Variants in LPGAT1 observed in about 807,000 individuals in gnomAD.
The protein encoded by LPGAT1 is lysophosphatidylglycerol acyltransferase 1.
Under a neutral mutation model 47.5 loss-of-function variants are expected in LPGAT1, and 11 were observed. That is an observed-to-expected ratio of 0.23 (90% CI 0.15 to 0.38). The LOEUF is 0.38. LPGAT1 is among the 10% of genes least tolerant of loss of function. The pLI is 1.00. For synonymous variants in LPGAT1, 138 were observed against 144.2 expected, an observed-to-expected ratio of 0.96 and a Z score of 0.31; for missense variants, 293 against 439.0, an observed-to-expected ratio of 0.67 and a Z score of 2.97.
chr1:211,780,634 T>A (rs1658603585), intron 5 of LPGAT1, among the ~76,000 whole-genome samples: 1 of 152,184 alleles, frequency 6.6e-6, no homozygotes, highest in Non-Finnish European at 1.5e-5. Context: ...AATATACTTG[T>A]AAAACAAGTA....
intron 5 of LPGAT1, among the ~76,000 whole-genome samples, chr1:211,779,723 A>T (rs2102532677): frequency 6.6e-6 from 1 of 152,200 alleles, no homozygotes; most frequent in East Asian, 1.9e-4. Flanking sequence ...ATGGTGGTGC[A>T]TGCCTGTAGT....
intron 6 of LPGAT1, among the ~76,000 whole-genome samples, chr1:211,760,332 G>C: frequency 6.6e-6 from 1 of 152,180 alleles, no homozygotes; most frequent in East Asian, 1.9e-4. Flanking sequence ...GCACATGCCT[G>C]TAGTCCCAGC....
Position 211,783,236 on chromosome 1 carries a change from T to C in LPGAT1, c.720A>G (p.Lys240=). ...TGCTAAAAACCATCATACCTAATTC[T>C]TTAGCATCTCCTCCTGCTGGACTTC... ...KNGSPAGGDA[K]ELDSKSKGLQ... Residue 240 remains lysine (K), a synonymous_variant, in exon 5 of 8, where the codon AAA becomes AAG. Coordinates refer to ENST00000366997, the MANE Select transcript of LPGAT1 (RefSeq NM_014873.3). The C allele has an allele frequency of 6.2e-7, 1 of 1,610,050 alleles. No individual in the cohort carries two copies. The highest frequency in any genetic ancestry group is 8.5e-7 in the Non-Finnish European group (1 of 1,176,824).
At chr1:211,829,756 G>C (rs1660660511) in intron 1 of LPGAT1, 1 of 999,214 alleles carries the variant, frequency 1.0e-6, no homozygotes, top group East Asian at 1.0e-4. Flanking sequence ...GAGGACCTCA[G>C]TCTCCTCACC....
At chr1:211,802,739 G>C (rs12127709) in intron 2 of LPGAT1, among the ~76,000 whole-genome samples, 10,420 of 152,190 alleles carry the variant, frequency 0.068, 419 homozygotes, top group Non-Finnish European at 0.087. Flanking sequence ...CAAAGATGTA[G>C]TTAAAGAGCA....
At chr1:211,756,255 C>CA (rs929997148) in intron 6 of LPGAT1, among the ~76,000 whole-genome samples, 1 of 151,862 alleles carries the variant, frequency 6.6e-6, no homozygotes, top group African/African-American at 2.4e-5. Flanking sequence ...CAAACCAAAA[C>CA]AAAAAAAATC....
chr1:211,805,301 G>A lies in LPGAT1; in HGVS notation c.239-12111C>T, dbSNP rs376455935. Reference sequence around the variant, plus strand: ...TCATGGGGTTCCTGATAAACCCATCGTAAGTTGAAAATACAGCAAGTCAAA... The same window carrying A: ...TCATGGGGTTCCTGATAAACCCATCATAAGTTGAAAATACAGCAAGTCAAA... On this transcript the variant is annotated intron_variant, in intron 2 of 7. Transcript: ENST00000366997. 3.6e-4 allele frequency among the ~76,000 whole-genome samples: 55 copies of A among 152,220 alleles called. 1 individual carries two copies. In the South Asian group the frequency reaches 9.1e-3, roughly 25 times the overall value.
intron 6 of LPGAT1, among the ~76,000 whole-genome samples, chr1:211,754,440 A>G (rs1215206137): frequency 3.3e-5 from 5 of 152,088 alleles, no homozygotes; most frequent in Non-Finnish European, 7.4e-5. Flanking sequence ...ATTGTCTTTC[A>G]GGCTGTTTTC....
chr1:211,810,448 T>C (rs1314175709), intron 2 of LPGAT1, among the ~76,000 whole-genome samples: 2 of 152,182 alleles, frequency 1.3e-5, no homozygotes, highest in African/African-American at 4.8e-5. Context: ...GGAGTACAGA[T>C]AGACTGGAAT....
intron 6 of LPGAT1, among the ~76,000 whole-genome samples, chr1:211,766,629 C>A (rs1657928413): frequency 6.6e-6 from 1 of 152,182 alleles, no homozygotes; most frequent in Admixed American, 6.5e-5. Flanking sequence ...CCAAAAAGTA[C>A]TGGCAACACA....
chr1:211,756,216 A>G (rs1189920233), intron 6 of LPGAT1, among the ~76,000 whole-genome samples: 2 of 152,230 alleles, frequency 1.3e-5, no homozygotes, highest in Non-Finnish European at 2.9e-5. Context: ...AGCCTGGGCA[A>G]CAGAGGGAGA....
intron 6 of LPGAT1, among the ~76,000 whole-genome samples, chr1:211,773,940 T>C (rs1448564083): frequency 6.6e-6 from 1 of 152,130 alleles, no homozygotes; most frequent in Non-Finnish European, 1.5e-5. Flanking sequence ...TTTACCTAGT[T>C]AAACAATAAA....
chr1:211,765,353 G>A (rs1342312050), intron 6 of LPGAT1, among the ~76,000 whole-genome samples: 2 of 151,994 alleles, frequency 1.3e-5, no homozygotes, highest in African/African-American at 4.8e-5. Flanking sequence ...TTGAGAATAA[G>A]TTAAATGAAA....
In LPGAT1 at chr1:211,745,469, C is replaced by A. The variant is rs928060880; in HGVS notation, c.*4430G>T. On this transcript the variant is annotated 3_prime_UTR_variant, in exon 8 of 8. Transcript: ENST00000366997. ...CACAGTCATGTGTTCAACAGTTTTACACAATAAAAATAAAGCCATTCAAGA... is the reference window on the plus strand; with the variant it reads ...CACAGTCATGTGTTCAACAGTTTTAAACAATAAAAATAAAGCCATTCAAGA... 6.6e-6 allele frequency: 1 copy of A among 152,092 alleles called. No individual in the cohort carries two copies. The highest frequency in any genetic ancestry group is 1.5e-5 in the Non-Finnish European group (1 of 68,026). 9.4% of individuals were successfully genotyped at this position (152,092 alleles called of 1,614,324 possible).
intron 6 of LPGAT1, among the ~76,000 whole-genome samples, chr1:211,756,423 C>CA (rs1406794497): frequency 6.6e-6 from 1 of 152,130 alleles, no homozygotes; most frequent in Non-Finnish European, 1.5e-5. Context: ...CTTGACTTCC[C>CA]AGGCTCAAGT....
chr1:211,765,922 G>C (rs138450298), intron 6 of LPGAT1, among the ~76,000 whole-genome samples: 1 of 152,136 alleles, frequency 6.6e-6, no homozygotes, highest in East Asian at 1.9e-4. Context: ...GAGTAAAGTG[G>C]ACACTCCCTT....
At chr1:211,774,143 T>TTTTTTTTTTTTTTTTTG (rs1658292784) in intron 6 of LPGAT1, among the ~76,000 whole-genome samples, 1 of 131,260 alleles carries the variant, frequency 7.6e-6, no homozygotes, top group Non-Finnish European at 1.6e-5. Context: ...TTTTTTTTTT[T>TTTTTTTTTTTTTTTTTG]TTTTTTTTTG....
At chr1:211,761,373 C>T (rs1177514856) in intron 6 of LPGAT1, among the ~76,000 whole-genome samples, 1 of 152,040 alleles carries the variant, frequency 6.6e-6, no homozygotes, top group Non-Finnish European at 1.5e-5. Context: ...GCAATGGGCT[C>T]ATAACCAATT....
At chr1:211,767,137 T>A (rs1238713336) in intron 6 of LPGAT1, among the ~76,000 whole-genome samples, 4 of 152,084 alleles carry the variant, frequency 2.6e-5, no homozygotes. Flanking sequence ...AACTGAAAAG[T>A]TTTTTTCTTT....
Sources: gnomAD v4.1 joint callset for allele counts (sites outside exome capture counted in the v4.1 genomes callset) on GRCh38, gnomAD v4.1.1 for gene constraint, MANE v1.5 for transcripts, NCBI Gene and HGNC (gene_info 2026-07-23, HGNC 2026-07-21) for gene names.